Variants in ROBO1 observed in about 807,000 individuals in gnomAD.
The protein encoded by ROBO1 is roundabout guidance receptor 1, also known as roundabout homolog 1.
ROBO1 carries 149 observed loss-of-function variants against 195.9 expected under a neutral mutation model. The observed-to-expected ratio is 0.76, with a 90% CI of 0.67 to 0.87. The LOEUF is 0.87. ROBO1 is among the 40% of genes least tolerant of loss of function. ROBO1 has a pLI of 0.00. For synonymous variants in ROBO1, 816 were observed against 733.2 expected (o/e 1.11, Z -1.82); for missense variants, 1,933 against 2,068.3 (o/e 0.93, Z 1.27).
intron 8 of ROBO1, among the ~76,000 whole-genome samples, chr3:78,699,593 T>TTAA (rs566669166): frequency 1.2e-4 from 18 of 149,720 alleles, no homozygotes; most frequent in African/African-American, 2.2e-4. Flanking sequence ...AATAATAATA[T>TTAA]TAATAATAAT....
chr3:79,643,418 T>C (rs1020405569), intron 1 of ROBO1, among the ~76,000 whole-genome samples: 4 of 152,132 alleles, frequency 2.6e-5, no homozygotes, highest in African/African-American at 9.7e-5. Context: ...CATATATACA[T>C]CTATCCTATT....
At chr3:79,635,812 A>T (rs1945479223) in intron 1 of ROBO1, among the ~76,000 whole-genome samples, 1 of 152,164 alleles carries the variant, frequency 6.6e-6, no homozygotes, top group Non-Finnish European at 1.5e-5. Flanking sequence ...TAATTATTGC[A>T]CTTAGTTAGA....
chr3:79,186,647 G>A (rs1046784667), intron 2 of ROBO1, among the ~76,000 whole-genome samples: 1 of 152,070 alleles, frequency 6.6e-6, no homozygotes, highest in Admixed American at 6.6e-5. Flanking sequence ...TGTAAGTGAG[G>A]TATGACCATG....
At chr3:79,616,805 G>A (rs1944836008) in intron 1 of ROBO1, among the ~76,000 whole-genome samples, 1 of 152,120 alleles carries the variant, frequency 6.6e-6, no homozygotes, top group Non-Finnish European at 1.5e-5. Context: ...TAGGGCAGCT[G>A]CATCCCCACC....
At chr3:79,286,920 A>G (rs1213420317) in intron 2 of ROBO1, among the ~76,000 whole-genome samples, 1 of 152,174 alleles carries the variant, frequency 6.6e-6, no homozygotes, top group African/African-American at 2.4e-5. Context: ...CTATACTCTG[A>G]TACGTAACAT....
intron 5 of ROBO1, among the ~76,000 whole-genome samples, chr3:78,735,742 A>C (rs1032692027): frequency 1.3e-5 from 2 of 152,188 alleles, no homozygotes; most frequent in African/African-American, 4.8e-5. Flanking sequence ...ATATGAAATA[A>C]ATCCATGAAA....
chr3:78,748,602 A>T (rs936707778), intron 4 of ROBO1, among the ~76,000 whole-genome samples: 2 of 152,120 alleles, frequency 1.3e-5, no homozygotes, highest in Non-Finnish European at 2.9e-5. Flanking sequence ...CAGTGTAAAA[A>T]ACTTATGCTC....
In ROBO1 at chr3:78,769,408, C is replaced by T. The variant is rs966060620; in HGVS notation, c.500-22508G>A. ...CCTGCTCGCTTTTGGTGTCCATTTG[C>T]ATGAAATGCCTTTTTCCACCCTTTA... On this transcript the variant is annotated intron_variant, in intron 4 of 30. Coordinates refer to ENST00000464233, the MANE Select transcript of ROBO1 (RefSeq NM_002941.4). Among the ~76,000 whole-genome samples the T allele has an allele frequency of 3.9e-5, 6 of 152,246 alleles. No individual in the cohort carries two copies. In the East Asian group the frequency reaches 1.2e-3, roughly 29 times the overall value.
chr3:79,443,728 G>A (rs2039137970), intron 2 of ROBO1, among the ~76,000 whole-genome samples: 1 of 151,974 alleles, frequency 6.6e-6, no homozygotes, highest in South Asian at 2.1e-4. Flanking sequence ...AGTACAAGGT[G>A]GATAATTTAT....
intron 2 of ROBO1, among the ~76,000 whole-genome samples, chr3:79,535,275 A>C (rs1253770476): frequency 6.6e-6 from 1 of 152,148 alleles, no homozygotes; most frequent in Non-Finnish European, 1.5e-5. Context: ...TTATAAGTCC[A>C]AAAAGACACA....
chr3:78,901,952 T>A (rs1029916923), intron 4 of ROBO1, among the ~76,000 whole-genome samples: 2 of 152,188 alleles, frequency 1.3e-5, no homozygotes, highest in Non-Finnish European at 2.9e-5. Context: ...ATTACGTTTA[T>A]TTCAAAATTT....
chr3:79,604,898 C>G (rs1034661249), intron 1 of ROBO1, among the ~76,000 whole-genome samples: 1 of 151,988 alleles, frequency 6.6e-6, no homozygotes, highest in Non-Finnish European at 1.5e-5. Context: ...TAAGATAAAA[C>G]AACAGCCAAA....
At chr3:79,414,444 A>C (rs2106884387) in intron 2 of ROBO1, among the ~76,000 whole-genome samples, 1 of 152,274 alleles carries the variant, frequency 6.6e-6, no homozygotes, top group Middle Eastern at 3.4e-3. Flanking sequence ...TTAACATTAA[A>C]ATATGACTCT....
chr3:78,645,505 C>T (rs1706225410), intron 21 of ROBO1, among the ~76,000 whole-genome samples: 4 of 150,142 alleles, frequency 2.7e-5, no homozygotes. Context: ...CATCACATAA[C>T]TTATACCTTA....
chr3:79,378,080 T>G (rs1024342219), intron 2 of ROBO1, among the ~76,000 whole-genome samples: 2 of 152,068 alleles, frequency 1.3e-5, no homozygotes, highest in African/African-American at 2.4e-5. Flanking sequence ...AATATTTTTA[T>G]TACAGAGAAA....
chr3:78,658,973 A>G (rs1255111890), intron 17 of ROBO1, among the ~76,000 whole-genome samples: 2 of 152,194 alleles, frequency 1.3e-5, no homozygotes, highest in Admixed American at 6.5e-5. Flanking sequence ...GCATTTCTTC[A>G]GGAGAGAAAT....
intron 1 of ROBO1, among the ~76,000 whole-genome samples, chr3:79,592,232 C>A (rs575147301): frequency 2.6e-5 from 4 of 151,868 alleles, no homozygotes; most frequent in Admixed American, 6.6e-5. Flanking sequence ...AAAAAGAATG[C>A]AATAATTATA....
intron 1 of ROBO1, among the ~76,000 whole-genome samples, chr3:79,767,337 C>A (rs1705052885): frequency 6.6e-6 from 1 of 152,104 alleles, no homozygotes; most frequent in African/African-American, 2.4e-5. Flanking sequence ...ATCCCTAGAG[C>A]AAATTCCGCT....
At chr3:78,947,761 C>T (rs113653039) in intron 3 of ROBO1, among the ~76,000 whole-genome samples, 19,394 of 151,698 alleles carry the variant, frequency 0.13, 3,221 homozygotes, top group African/African-American at 0.39. Flanking sequence ...ATCAACAAAA[C>T]TGATAGACCG....
Sources: allele counts gnomAD v4.1 joint callset (sites outside exome capture counted in the v4.1 genomes callset), GRCh38; gene constraint gnomAD v4.1.1; transcripts MANE v1.5; gene names NCBI Gene and HGNC (gene_info 2026-07-23, HGNC 2026-07-21).